BCAR1: variants seen among roughly 807,000 people sequenced by gnomAD.
BCAR1 encodes BCAR1 scaffold protein, Cas family member, also known as breast cancer anti-estrogen resistance protein 1.
Under a neutral mutation model 67.6 loss-of-function variants are expected in BCAR1, and 30 were observed. The observed-to-expected ratio is 0.44, with a 90% CI of 0.33 to 0.60. The LOEUF (loss-of-function observed/expected upper bound fraction) is 0.60. BCAR1 is among the 20% of genes least tolerant of loss of function. BCAR1 has a pLI of 0.02. For synonymous variants in BCAR1, 626 were observed against 556.7 expected (o/e 1.12, Z -1.75); for missense variants, 1,313 against 1,222.3 (o/e 1.07, Z -1.11).
In BCAR1 at chr16:75,238,977, T is replaced by C. The variant is rs933918294; in HGVS notation, c.634-1633A>G. 5.1e-6 allele frequency: 5 copies of C among 985,198 alleles called. No individual in the cohort carries two copies. In the African/African-American group the frequency reaches 7.0e-5, roughly 14 times the overall value. The allele number at this position is 985,198 out of a possible 1,614,324, so 61.0% of individuals were successfully genotyped here. A position where few individuals can be genotyped will look rare whatever the true frequency, so the allele number is the denominator to read the frequency against. ...GCATCCTCCAAAAGCACCCTGCCGG[T>C]GGCCATCCCAACCTCACGCGGTGAG... On this transcript the variant is annotated intron_variant, in intron 2 of 6. Transcript: ENST00000162330.
At chr16:75,252,114 A>G, upstream of BCAR1, 1 of 1,369,046 alleles carries the variant, frequency 7.3e-7, no homozygotes, top group Non-Finnish European at 1.0e-6. Flanking sequence ...TAGGAGACGA[A>G]TCATCACCAC....
At chr16:75,259,991 C>T (rs760964384) in intron 1 of BCAR1, among the ~76,000 whole-genome samples, 8 of 151,934 alleles carry the variant, frequency 5.3e-5, no homozygotes, top group Non-Finnish European at 8.8e-5. Flanking sequence ...GTCAGGAGTT[C>T]GAAACCAGTC....
chr16:75,232,184 G>A (rs143841226), intron 6 of BCAR1, among the ~76,000 whole-genome samples: 2,024 of 150,258 alleles, frequency 0.013, 41 homozygotes, highest in African/African-American at 0.047. Context: ...TTTTTGAGAC[G>A]GAATCTCACC....
intron 1 of BCAR1, chr16:75,266,333 C>G (rs2151488139): frequency 6.1e-6 from 1 of 162,640 alleles, no homozygotes; most frequent in South Asian, 2.0e-4. Context: ...CCTCCCCCAG[C>G]TGAGAGCGAG....
rs1019818102 is a variant in BCAR1 at position 75,266,805 on chromosome 16, G to C, written c.66+1110C>G. On this transcript the variant is annotated intron_variant, in intron 1 of 6. Transcript: ENST00000393422. ...CTAGAGCAAGTGGGGCTGGGGTCCA[G>C]AGCACTGTCCCGGAGGTCAGCGCTG... is the stretch of plus-strand genomic sequence containing the variant. 8 of 1,420,506 alleles carry C rather than the reference G, an allele frequency of 5.6e-6. No homozygotes were observed. The East Asian group carries it at 1.8e-4, about 32-fold the overall frequency. 88.0% of individuals were successfully genotyped at this position (1,420,506 alleles called of 1,614,324 possible).
intron 6 of BCAR1, among the ~76,000 whole-genome samples, chr16:75,232,537 C>A (rs933219964): frequency 6.6e-6 from 1 of 151,938 alleles, no homozygotes; most frequent in Non-Finnish European, 1.5e-5. Flanking sequence ...CTCAAGTGAT[C>A]CTCCTGCCTC....
chr16:75,258,364 G>T (rs1054909199), intron 1 of BCAR1, among the ~76,000 whole-genome samples: 1 of 152,212 alleles, frequency 6.6e-6, no homozygotes, highest in Non-Finnish European at 1.5e-5. Flanking sequence ...GTCTCCTCTT[G>T]GACTGCCCTG....
At chr16:75,237,064 C>T in intron 3 of BCAR1, 66 bp from the exon 4 acceptor site, 2 of 1,525,790 alleles carry the variant, frequency 1.3e-6, no homozygotes, top group Admixed American at 1.9e-5. Context: ...AAGGTGGGAA[C>T]CCCGCAGCAC....
At chr16:75,234,009 C>G in intron 5 of BCAR1, 74 bp from the exon 6 acceptor site, 2 of 1,453,100 alleles carry the variant, frequency 1.4e-6, no homozygotes, top group Non-Finnish European at 1.9e-6. Context: ...CTGTGGCGGG[C>G]GCAGTGAGCT....
chr16:75,260,992 G>C (rs891381673), intron 1 of BCAR1, among the ~76,000 whole-genome samples: 1 of 152,122 alleles, frequency 6.6e-6, no homozygotes. Context: ...GAATTTGGTA[G>C]GGCTTAAATA....
intron 6 of BCAR1, among the ~76,000 whole-genome samples, chr16:75,230,751 A>T (rs937306214): frequency 2.6e-5 from 4 of 152,340 alleles, no homozygotes; most frequent in African/African-American, 9.6e-5. Context: ...CCAAGCCACA[A>T]TGAGCAAAAC....
chr16:75,230,534 T>C (rs1379392806), intron 6 of BCAR1, among the ~76,000 whole-genome samples: 1 of 152,238 alleles, frequency 6.6e-6, no homozygotes, highest in Non-Finnish European at 1.5e-5. Flanking sequence ...AAAACGAAGA[T>C]GTCACCTGTA....
chr16:75,233,420 A>G (rs2076971474), intron 6 of BCAR1, among the ~76,000 whole-genome samples: 1 of 152,190 alleles, frequency 6.6e-6, no homozygotes, highest in South Asian at 2.1e-4. Context: ...CAAACATTCA[A>G]TAGACGCTAA....
At chr16:75,262,293 G>T (rs1215150536) in intron 1 of BCAR1, among the ~76,000 whole-genome samples, 3 of 152,234 alleles carry the variant, frequency 2.0e-5, no homozygotes, top group African/African-American at 7.2e-5. Flanking sequence ...GCAAGCTGCA[G>T]CCAGAAGGCA....
chr16:75,261,381 A>C (rs1171371972), intron 1 of BCAR1, among the ~76,000 whole-genome samples: 1 of 152,052 alleles, frequency 6.6e-6, no homozygotes, highest in Non-Finnish European at 1.5e-5. Context: ...CAGGCCCCCC[A>C]CTCACCCTCC....
chr16:75,231,162 T>C (rs1412652439), intron 6 of BCAR1, among the ~76,000 whole-genome samples: 2 of 151,566 alleles, frequency 1.3e-5, no homozygotes, highest in Non-Finnish European at 2.9e-5. Context: ...AGTGGCACGA[T>C]CTCGGCTCGC....
At chr16:75,238,431 G>C (rs1043312861) in intron 2 of BCAR1, 1 of 1,029,932 alleles carries the variant, frequency 9.7e-7, no homozygotes, top group Non-Finnish European at 1.2e-6. Context: ...GGGCAGCAGC[G>C]CCAAAGCAGC....
At chr16:75,245,399 C>G (rs2077483242) in intron 1 of BCAR1, among the ~76,000 whole-genome samples, 1 of 152,142 alleles carries the variant, frequency 6.6e-6, no homozygotes, top group Admixed American at 6.5e-5. Flanking sequence ...CGCGAAGGCC[C>G]CTCACCTCCT....
intron 1 of BCAR1, chr16:75,265,710 G>C: frequency 2.6e-6 from 3 of 1,151,410 alleles, no homozygotes; most frequent in Non-Finnish European, 3.2e-6. Flanking sequence ...GGAGGCCCCA[G>C]TGAGGCGACC....
Sources: gnomAD v4.1 joint callset for allele counts (sites outside exome capture counted in the v4.1 genomes callset) on GRCh38, gnomAD v4.1.1 for gene constraint, MANE v1.5 for transcripts, NCBI Gene and HGNC (gene_info 2026-07-23, HGNC 2026-07-21) for gene names.